The following FOXP2 variants were observed in gnomAD, a reference collection of about 807,000 sequenced individuals.
FOXP2 encodes forkhead box protein P2.
In FOXP2, 12 loss-of-function variants were observed where a neutral mutation model predicts 115.8. That is an observed-to-expected ratio of 0.10 (90% confidence interval 0.07 to 0.17). The LOEUF (loss-of-function observed/expected upper bound fraction) is 0.17, where lower values mean the gene tolerates loss of function less well. Among genes scored for constraint, FOXP2 ranks in the 10% least tolerant of loss-of-function variants. The probability of loss-of-function intolerance (pLI) is 1.00; values close to 1 mark genes in which losing one functional copy is unlikely to be tolerated. For synonymous variants in FOXP2, 328 were observed against 297.7 expected, an observed-to-expected ratio of 1.10 and a Z score of -1.05; for missense variants, 629 against 843.5, an observed-to-expected ratio of 0.75 and a Z score of 3.15.
At chr7:114,348,035 T>A (rs1173846574) in intron 2 of FOXP2, among the ~76,000 whole-genome samples, 1 of 152,084 alleles carries the variant, frequency 6.6e-6, no homozygotes, top group East Asian at 1.9e-4. Context: ...AATATGCCTT[T>A]ACTATTTTTT....
At chr7:114,159,986 C>A (rs1014887028), upstream of FOXP2, among the ~76,000 whole-genome samples, 17 of 152,272 alleles carry the variant, frequency 1.1e-4, no homozygotes, top group Admixed American at 8.5e-4. Context: ...AGAACTCCAG[C>A]AAGGCCTGTC....
chr7:114,092,284 A>G lies in FOXP2; in HGVS notation c.-247+4446A>G, dbSNP rs1024043446. Among the ~76,000 whole-genome samples the G allele has an allele frequency of 3.3e-5, 5 of 152,210 alleles. No individual in the cohort carries two copies. The South Asian group carries it at 6.2e-4, about 19-fold the overall frequency. On this transcript the variant is annotated intron_variant, in intron 1 of 19. Coordinates refer to the FOXP2 transcript ENST00000635638. ...TTGAAGATTTTTCTAATGGAAGTCT[A>G]TAAGATTATACCATTAGAATGTCTT...
intron 2 of FOXP2, among the ~76,000 whole-genome samples, chr7:114,514,420 AT>A (rs1416137324): frequency 6.6e-6 from 1 of 151,924 alleles, no homozygotes; most frequent in African/African-American, 2.4e-5. Flanking sequence ...CCAATCCCTT[AT>A]CCCCCTAGCC....
intron 3 of FOXP2, among the ~76,000 whole-genome samples, chr7:114,581,542 A>G (rs1218442134): frequency 6.6e-6 from 1 of 152,154 alleles, no homozygotes; most frequent in Non-Finnish European, 1.5e-5. Context: ...TCCTACACAC[A>G]TAGCCTCTCC....
chr7:114,230,841 A>C (rs1249731073), intron 1 of FOXP2, among the ~76,000 whole-genome samples: 1 of 151,972 alleles, frequency 6.6e-6, no homozygotes, highest in Non-Finnish European at 1.5e-5. Flanking sequence ...ACTTTTATTC[A>C]ACACAGTACT....
At chr7:114,623,894 G>A (rs547114901) in intron 3 of FOXP2, among the ~76,000 whole-genome samples, 55 of 151,924 alleles carry the variant, frequency 3.6e-4, no homozygotes, top group Middle Eastern at 6.8e-3. Flanking sequence ...AAAAGATTGC[G>A]TTAAATAGCA....
At chr7:114,462,277 GAAAAAAAAAAAAA>G (rs766244858) in intron 2 of FOXP2, among the ~76,000 whole-genome samples, 2 of 20,802 alleles carry the variant, frequency 9.6e-5, no homozygotes, top group African/African-American at 3.0e-4. Flanking sequence ...GAGACTCCGT[GAAAAAAAAAAAAA>G]AAAAAAAAAA....
chr7:114,353,771 A>C (rs1448261174), intron 2 of FOXP2, among the ~76,000 whole-genome samples: 1 of 151,976 alleles, frequency 6.6e-6, no homozygotes, highest in Admixed American at 6.6e-5. Context: ...TTGTATGTTC[A>C]ATTACGATAC....
chr7:114,478,973 T>C (rs913557931), intron 2 of FOXP2, among the ~76,000 whole-genome samples: 10 of 151,666 alleles, frequency 6.6e-5, no homozygotes, highest in Non-Finnish European at 1.2e-4. Flanking sequence ...TTTCTCTCAT[T>C]AGAAACAAGA....
At chr7:114,662,677 C>T (rs990516495) in intron 14 of FOXP2, among the ~76,000 whole-genome samples, 1 of 152,070 alleles carries the variant, frequency 6.6e-6, no homozygotes, top group Non-Finnish European at 1.5e-5. Flanking sequence ...ATCATTTGGA[C>T]CTACCTTGCT....
intron 2 of FOXP2, among the ~76,000 whole-genome samples, chr7:114,507,600 G>C (rs1474987210): frequency 6.6e-6 from 1 of 151,874 alleles, no homozygotes; most frequent in Non-Finnish European, 1.5e-5. Flanking sequence ...TTGACTCAAT[G>C]ACTGAAGGAT....
At chr7:114,099,625 A>C (rs952006041) in intron 1 of FOXP2, among the ~76,000 whole-genome samples, 2 of 152,188 alleles carry the variant, frequency 1.3e-5, no homozygotes, top group Non-Finnish European at 2.9e-5. Flanking sequence ...AGTGTTCATC[A>C]ACAGATGAAT....
chr7:114,681,734 G>A (rs1808092912), intron 16 of FOXP2, among the ~76,000 whole-genome samples: 2 of 152,232 alleles, frequency 1.3e-5, no homozygotes, highest in Admixed American at 6.5e-5. Flanking sequence ...ATAGCAATAT[G>A]TTGTGTTGTT....
chr7:114,218,959 A>G (rs1323050813), intron 1 of FOXP2, among the ~76,000 whole-genome samples: 5 of 152,140 alleles, frequency 3.3e-5, no homozygotes, highest in Non-Finnish European at 7.4e-5. Context: ...TTTACTGCCT[A>G]ATGGAGGACC....
At chr7:114,192,454 T>C (rs986416565) in intron 1 of FOXP2, among the ~76,000 whole-genome samples, 1 of 152,226 alleles carries the variant, frequency 6.6e-6, no homozygotes, top group Non-Finnish European at 1.5e-5. Context: ...TCTCACATTC[T>C]TGTGTAGGTG....
intron 1 of FOXP2, among the ~76,000 whole-genome samples, chr7:114,212,122 A>AATAAAATAT (rs67192679): frequency 4.2e-4 from 55 of 131,036 alleles, no homozygotes; most frequent in Middle Eastern, 3.9e-3. Flanking sequence ...AATAAAATAA[A>AATAAAATAT]ATATATATAT....
At chr7:114,555,549 C>A (rs1800412985) in intron 3 of FOXP2, among the ~76,000 whole-genome samples, 1 of 152,286 alleles carries the variant, frequency 6.6e-6, no homozygotes, top group East Asian at 1.9e-4. Context: ...GTAATCTCAG[C>A]ACTTTGGGAG....
In FOXP2 at chr7:114,390,522, G is replaced by GTATTTATGTATT. The variant is rs144084916; in HGVS notation, c.-10-35973_-10-35972insGTATTTATTTAT. 1.8e-3 allele frequency among the ~76,000 whole-genome samples: 260 copies of GTATTTATGTATT among 148,344 alleles called. 1 individual carries two copies. The East Asian group carries it at 0.018, about 10-fold the overall frequency. ...GGCACCATACTTTTGTTTTATTTAT[G>GTATTTATGTATT]TATTTATTTATTTATTTATTTATTT... On this transcript the variant is annotated intron_variant, in intron 2 of 17. Coordinates refer to the FOXP2 transcript ENST00000634411.
chr7:114,270,670 T>C (rs1016785920), intron 1 of FOXP2, among the ~76,000 whole-genome samples: 2 of 152,158 alleles, frequency 1.3e-5, no homozygotes, highest in Non-Finnish European at 2.9e-5. Flanking sequence ...TTTTTTCTTA[T>C]TGTTGAGTTT....
Sources: allele counts gnomAD v4.1 joint callset (sites outside exome capture counted in the v4.1 genomes callset), GRCh38; gene constraint gnomAD v4.1.1; transcripts MANE v1.5; gene names NCBI Gene and HGNC (gene_info 2026-07-23, HGNC 2026-07-21).